ABCE1: variants seen among roughly 807,000 people sequenced by gnomAD.
The protein encoded by ABCE1 is ATP-binding cassette sub-family E member 1.
A neutral mutation model predicts 83.4 loss-of-function variants in ABCE1; 22 were observed. The ratio of observed to expected loss-of-function variants is 0.26; its 90% CI spans 0.19 to 0.38. ABCE1 has a LOEUF of 0.38. Ranked by LOEUF, ABCE1 falls within the 10% of genes least tolerant of loss-of-function variation. ABCE1 has a pLI of 1.00. For missense variants in ABCE1, 330 were observed against 721.9 expected, an observed-to-expected ratio of 0.46 and a Z score of 6.22; for synonymous variants, 204 against 233.7, an observed-to-expected ratio of 0.87 and a Z score of 1.16.
chr4:145,123,153 T>A (rs768623150), intron 14 of ABCE1, 22 bp downstream of exon 14: 23 of 1,579,162 alleles, frequency 1.5e-5, no homozygotes, highest in Admixed American at 5.8e-5. Context: ...TAATTTTTTT[T>A]ATTTTTTTAT....
intron 10 of ABCE1, 74 bp from the exon 11 acceptor site, chr4:145,119,858 A>G (rs1749697837): frequency 1.9e-6 from 2 of 1,071,316 alleles, no homozygotes; most frequent in Non-Finnish European, 2.8e-6. Context: ...TATATAGTCT[A>G]TAGATTGCTC....
rs555280357 is a variant in ABCE1, at chr4:145,104,132, G to A, written c.-27-254G>A. Among the ~76,000 whole-genome samples the A allele has an allele frequency of 6.6e-5, 10 of 150,718 alleles. 1 individual carries two copies. The highest frequency in any genetic ancestry group is 2.1e-4 in the South Asian group (1 of 4,752). On this transcript the variant is annotated intron_variant, in intron 1 of 17. Transcript: ENST00000296577. ...TATTCCTAGATATTTTCTTTTTGTC[G>A]CTATTGTAAATGACATTTTTTTCTT...
At chr4:145,099,268 A>G (rs1262176895) in intron 1 of ABCE1, among the ~76,000 whole-genome samples, 2 of 152,088 alleles carry the variant, frequency 1.3e-5, no homozygotes, top group Non-Finnish European at 2.9e-5. Context: ...CTCTTTTTTG[A>G]TGGTAAAAAT....
At chr4:145,125,223 T>C in intron 17 of ABCE1, 122 bp downstream of exon 17, 1 of 660,934 alleles carries the variant, frequency 1.5e-6, no homozygotes, top group Non-Finnish European at 2.5e-6. Flanking sequence ...TTCAAGCACT[T>C]TTGGGAGGCC....
intron 17 of ABCE1, among the ~76,000 whole-genome samples, chr4:145,126,827 G>A (rs1749900792): frequency 6.6e-6 from 1 of 152,112 alleles, no homozygotes; most frequent in Non-Finnish European, 1.5e-5. Flanking sequence ...AGTATGTCTG[G>A]ATGCCTTTTT....
intron 3 of ABCE1, 95 bp downstream of exon 3, chr4:145,105,785 A>G (rs1749287211): frequency 2.8e-6 from 2 of 708,610 alleles, no homozygotes; most frequent in Non-Finnish European, 4.6e-6. Context: ...AAGTGAGGCA[A>G]AGTATAAAGC....
intron 7 of ABCE1, 117 bp from the exon 8 acceptor site, chr4:145,110,851 A>G: frequency 1.5e-6 from 1 of 652,736 alleles, no homozygotes; most frequent in Non-Finnish European, 2.6e-6. Flanking sequence ...AGTAATTGTT[A>G]TATTTAAACA....
chr4:145,123,648 C>T, intron 16 of ABCE1, 48 bp downstream of exon 16: 1 of 1,507,402 alleles, frequency 6.6e-7, no homozygotes, highest in Middle Eastern at 1.8e-4. Flanking sequence ...TTAAATTTTC[C>T]AGTAAATAGT....
At position 145,125,030 on chromosome 4, in the gene ABCE1, C is replaced by T; in HGVS notation, c.1681C>T (p.Gln561Ter). 1 of 1,612,538 alleles carries T rather than the reference C, an allele frequency of 6.2e-7. No homozygotes were observed. Among genetic ancestry groups the T allele is most frequent in the Non-Finnish European group, 8.5e-7 (1 of 1,179,268 alleles). Residue 561 changes from glutamine (Q) to a stop codon, truncating the protein, a stop_gained, in exon 17 of 18, where the codon CAG becomes TAG. Transcript: ENST00000296577. LOFTEE classifies it high-confidence loss of function. The stretch of plus-strand genomic sequence containing the variant: ...GGCTGGCATGAATAAATTTTTGTCT[C>T]AGCTTGAAATTACATTCAGAAGAGA... Reference protein sequence around the residue: ...LLAGMNKFLSQLEITFRRDPN... With the variant: ...LLAGMNKFLS
At position 145,127,530 on chromosome 4, in the gene ABCE1, T is replaced by C; in HGVS notation, c.1757T>C (p.Val586Ala). 2 of 1,584,386 alleles carry C rather than the reference T, an allele frequency of 1.3e-6. No homozygotes were observed. Among genetic ancestry groups the C allele is most frequent in the Non-Finnish European group, 1.7e-6 (2 of 1,170,536 alleles). Residue 586 changes from valine (V) to alanine (A), a missense_variant, in exon 18 of 18, where the codon GTA becomes GCA. Coordinates refer to ENST00000296577, the MANE Select transcript of ABCE1 (RefSeq NM_002940.3). ...RINKLNSIKD[V>A]EQKKSGNYFF... ...GGCTTCTGTTTTCTTTTTTAGGATG[T>C]AGAACAAAAGAAGAGTGGAAACTAC...
chr4:145,106,285 G>A lies in ABCE1; in HGVS notation c.189+595G>A, dbSNP rs897670113. Among the ~76,000 whole-genome samples the A allele has an allele frequency of 3.3e-5, 5 of 151,984 alleles. No individual in the cohort carries two copies. In the East Asian group the frequency reaches 7.7e-4, roughly 23 times the overall value. ...CTGTTTGTAGATATTATAAAAAGGC[G>A]CTTCACCAGAATTCAGATACCACAC... On this transcript the variant is annotated intron_variant, in intron 3 of 17. Coordinates refer to ENST00000296577, the MANE Select transcript of ABCE1 (RefSeq NM_002940.3).
Position 145,104,391 on chromosome 4 carries a change from C to G in ABCE1, c.-22C>G. ...TGTTGATTTTTCTTTCATAGAAGAG[C>G]TGGATATTCTTTCGCCCAGTTATGG... On this transcript the variant is annotated 5_prime_UTR_variant, in exon 2 of 18. Transcript: ENST00000296577. The G allele has an allele frequency of 1.3e-6, 2 of 1,515,254 alleles. No individual in the cohort carries two copies. The highest frequency in any genetic ancestry group is 1.8e-6 in the Non-Finnish European group (2 of 1,107,856). The allele number at this position is 1,515,254 out of a possible 1,614,324, so 93.9% of individuals were successfully genotyped here. A position where few individuals can be genotyped will look rare whatever the true frequency, so the allele number is the denominator to read the frequency against.
chr4:145,117,219 C>A, intron 9 of ABCE1, 74 bp from the exon 10 acceptor site: 2 of 1,300,228 alleles, frequency 1.5e-6, no homozygotes, highest in Non-Finnish European at 2.1e-6. Flanking sequence ...TTAGATGTAT[C>A]TCTTTTTCTG....
At chr4:145,121,086 T>C in intron 11 of ABCE1, 88 bp from the exon 12 acceptor site, 1 of 1,308,046 alleles carries the variant, frequency 7.6e-7, no homozygotes, top group Non-Finnish European at 1.1e-6. Context: ...TTAAAACAAA[T>C]TTCTCAGTTA....
chr4:145,121,217 T>G lies in ABCE1; in HGVS notation c.1188T>G (p.Leu396=), dbSNP rs1579221609. 6.2e-7 allele frequency: 1 copy of G among 1,613,766 alleles called. No homozygotes were observed. Among genetic ancestry groups the G allele is most frequent in the Non-Finnish European group, 8.5e-7 (1 of 1,179,866 alleles). The change falls in exon 12 of 18, where the codon CTT becomes CTG. Residue 396 remains leucine (L), a synonymous_variant. Coordinates refer to ENST00000296577, the MANE Select transcript of ABCE1 (RefSeq NM_002940.3). The part of the protein sequence containing the change: ...TTFIRMLAGR[L]KPDEGGEVPV... ...TTATCAGAATGCTTGCTGGAAGACTTAAACCTGATGAAGGAGGTACATTTG... is the reference window on the plus strand; with the variant it reads ...TTATCAGAATGCTTGCTGGAAGACTGAAACCTGATGAAGGAGGTACATTTG...
chr4:145,099,958 G>T (rs1006947050), intron 1 of ABCE1, among the ~76,000 whole-genome samples: 6 of 152,146 alleles, frequency 3.9e-5, no homozygotes, highest in Non-Finnish European at 8.8e-5. Flanking sequence ...GCAGGAGCCT[G>T]TTAACTATAA....
intron 16 of ABCE1, among the ~76,000 whole-genome samples, chr4:145,124,599 C>T (rs1449275310): frequency 2.0e-5 from 3 of 152,084 alleles, no homozygotes; most frequent in Non-Finnish European, 4.4e-5. Flanking sequence ...ATATTCCCTC[C>T]AGTAACAAAT....
intron 10 of ABCE1, among the ~76,000 whole-genome samples, chr4:145,118,640 A>T (rs1749666262): frequency 6.6e-6 from 1 of 151,742 alleles, no homozygotes; most frequent in African/African-American, 2.4e-5. Flanking sequence ...ATTCTTCACA[A>T]CTCCAGTTAT....
In ABCE1 at chr4:145,106,837, T is replaced by C. The variant is rs545581956; in HGVS notation, c.189+1147T>C. Among the ~76,000 whole-genome samples, 8 of 152,228 alleles carry C rather than the reference T, an allele frequency of 5.3e-5. No individual in the cohort carries two copies. In the South Asian group the frequency reaches 1.7e-3, roughly 32 times the overall value. ...TAGAAAAATATAATTTGTAAAAACT[T>C]AATAGTTTTGGTTAGAGGGTGGAAA... On this transcript the variant is annotated intron_variant, in intron 3 of 17. Coordinates refer to ENST00000296577, the MANE Select transcript of ABCE1 (RefSeq NM_002940.3).
Sources: gnomAD v4.1 joint callset for allele counts (sites outside exome capture counted in the v4.1 genomes callset) on GRCh38, gnomAD v4.1.1 for gene constraint, MANE v1.5 for transcripts, NCBI Gene and HGNC (gene_info 2026-07-23, HGNC 2026-07-21) for gene names.